TRPC3: variants seen among roughly 807,000 people sequenced by gnomAD.
TRPC3 encodes the protein short transient receptor potential channel 3.
In TRPC3, 54 loss-of-function variants were observed where a neutral mutation model predicts 90.9. The ratio of observed to expected loss-of-function variants is 0.59; its 90% CI spans 0.48 to 0.75. The LOEUF is 0.75. Among genes scored for constraint, TRPC3 ranks in the 30% least tolerant of loss-of-function variants. TRPC3 has a pLI of 0.00. For missense variants in TRPC3, 918 were observed against 1,194.5 expected (o/e 0.77, Z 3.41); for synonymous variants, 424 against 450.9 (o/e 0.94, Z 0.75).
chr4:121,885,569 G>A (rs1728088988), intron 10 of TRPC3, among the ~76,000 whole-genome samples: 1 of 152,110 alleles, frequency 6.6e-6, no homozygotes, highest in Admixed American at 6.6e-5. Context: ...TACATAGTAG[G>A]TGCTCAAATA....
chr4:121,940,569 T>C (rs1404673635), intron 1 of TRPC3, among the ~76,000 whole-genome samples: 2 of 152,216 alleles, frequency 1.3e-5, no homozygotes, highest in Non-Finnish European at 2.9e-5. Context: ...ATTCAAATCC[T>C]TCTTACCATC....
At position 121,875,553 on chromosome 4, in the gene TRPC3, G is replaced by A. The variant is rs935740593; in HGVS notation, c.*4183C>T. On this transcript the variant is annotated 3_prime_UTR_variant, in exon 12 of 12. Coordinates refer to ENST00000379645, the MANE Select transcript of TRPC3 (RefSeq NM_001130698.2). ...TGTTTTAGGGTATCAGAGACATCTT[G>A]GTGGTCTTTATAAAACTCAACAGAA... Among the ~76,000 whole-genome samples the A allele has an allele frequency of 2.0e-5, 3 of 151,996 alleles. No homozygotes were observed. The highest frequency in any genetic ancestry group is 7.3e-5 in the African/African-American group (3 of 41,360).
At chr4:121,900,243 T>A (rs143237776) in intron 9 of TRPC3, among the ~76,000 whole-genome samples, 2 of 152,344 alleles carry the variant, frequency 1.3e-5, no homozygotes, top group East Asian at 3.9e-4. Flanking sequence ...TCCTTTTCTT[T>A]TCTCTCTTTT....
chr4:121,922,672 A>C, intron 3 of TRPC3, among the ~76,000 whole-genome samples: 1 of 152,216 alleles, frequency 6.6e-6, no homozygotes, highest in East Asian at 1.9e-4. Context: ...AATGATAAAA[A>C]ACCAGTGACA....
intron 1 of TRPC3, chr4:121,950,436 A>C (rs373435953): frequency 2.4e-4 from 36 of 152,264 alleles, no homozygotes; most frequent in African/African-American, 8.4e-4. Context: ...CCACCATCCG[A>C]CCCCAAGTTC....
intron 1 of TRPC3, among the ~76,000 whole-genome samples, chr4:121,948,331 T>G (rs376176878): frequency 4.0e-5 from 6 of 151,674 alleles, no homozygotes; most frequent in Non-Finnish European, 5.9e-5. Context: ...CCATCATGGA[T>G]AGTGAGTTGC....
In TRPC3 at chr4:121,951,624, C is replaced by T. The variant is rs1730763845; in HGVS notation, c.57G>A (p.Pro19=). 7.0e-7 allele frequency: 1 copy of T among 1,432,522 alleles called. No homozygotes were observed. The highest frequency in any genetic ancestry group is 9.2e-7 in the Non-Finnish European group (1 of 1,084,952). The allele number at this position is 1,432,522 out of a possible 1,614,324, so 88.7% of individuals were successfully genotyped here. ...KEQARVTFPA[P]EEEEDEGEDE... ...CCTCGCCCTCGTCTTCCTCCTCCTC[C>T]GGCGCCGGGAAGGTCACCCTTGCTT... The change falls in exon 1 of 12, where the codon CCG becomes CCA. Residue 19 remains proline, a synonymous_variant. Coordinates refer to ENST00000379645, the MANE Select transcript of TRPC3 (RefSeq NM_001130698.2). This position sits in a 1 kb window ranked among gnomAD's most constrained non-coding sequence, Gnocchi z 4.4.
intron 6 of TRPC3, 47 bp downstream of exon 6, chr4:121,910,107 C>T (rs528967866): frequency 1.1e-5 from 17 of 1,522,708 alleles, no homozygotes; most frequent in Non-Finnish European, 1.4e-5. Flanking sequence ...AATGTGGTTC[C>T]AATACCTTTC....
chr4:121,928,523 C>T (rs1264300819), intron 2 of TRPC3, among the ~76,000 whole-genome samples: 4 of 152,182 alleles, frequency 2.6e-5, no homozygotes, highest in Admixed American at 2.0e-4. Flanking sequence ...ACCTTGAGGC[C>T]GCATTGACTG....
intron 4 of TRPC3, among the ~76,000 whole-genome samples, chr4:121,914,276 C>G (rs929374673): frequency 6.6e-6 from 1 of 152,246 alleles, no homozygotes; most frequent in African/African-American, 2.4e-5. Flanking sequence ...ACCTGACATG[C>G]ATTTTCTTGA....
intron 2 of TRPC3, among the ~76,000 whole-genome samples, chr4:121,927,944 A>T (rs948855076): frequency 2.0e-5 from 3 of 152,238 alleles, no homozygotes; most frequent in African/African-American, 7.2e-5. Flanking sequence ...CAGAAGAAGT[A>T]TTAAATCCAT....
At chr4:121,924,728 A>G (rs972640866) in intron 3 of TRPC3, among the ~76,000 whole-genome samples, 8 of 151,974 alleles carry the variant, frequency 5.3e-5, no homozygotes, top group African/African-American at 1.7e-4. Flanking sequence ...TTTAGTAGAG[A>G]CAGGGTCTCG....
chr4:121,895,434 C>T (rs1728486179), intron 10 of TRPC3, among the ~76,000 whole-genome samples: 2 of 151,768 alleles, frequency 1.3e-5, no homozygotes, highest in South Asian at 4.2e-4. Context: ...ATTGACAAAT[C>T]ATTAGCTAGA....
intron 1 of TRPC3, among the ~76,000 whole-genome samples, chr4:121,941,294 T>C (rs1252469843): frequency 1.3e-5 from 2 of 152,182 alleles, no homozygotes; most frequent in East Asian, 3.9e-4. Flanking sequence ...TCAACCCATG[T>C]AGCAAGCAAG....
intron 9 of TRPC3, among the ~76,000 whole-genome samples, chr4:121,900,114 C>A (rs1170790264): frequency 6.6e-6 from 1 of 152,114 alleles, no homozygotes; most frequent in Non-Finnish European, 1.5e-5. Context: ...CAGATGGCAC[C>A]ATTTGGTATT....
At chr4:121,925,399 C>G (rs1169525671) in intron 2 of TRPC3, among the ~76,000 whole-genome samples, 193 bp from the exon 3 acceptor site, 1 of 152,074 alleles carries the variant, frequency 6.6e-6, no homozygotes, top group Non-Finnish European at 1.5e-5. Context: ...TTTCCTTCTG[C>G]TGCAACCAGC....
At chr4:121,940,270 C>T (rs115971618) in intron 1 of TRPC3, among the ~76,000 whole-genome samples, 5,346 of 152,236 alleles carry the variant, frequency 0.035, 316 homozygotes, top group African/African-American at 0.12. Flanking sequence ...GACTTAATTG[C>T]CTAATTTATT....
chr4:121,905,274 T>C (rs1257467840), intron 7 of TRPC3, among the ~76,000 whole-genome samples: 1 of 152,064 alleles, frequency 6.6e-6, no homozygotes, highest in Non-Finnish European at 1.5e-5. Flanking sequence ...AGTAAGAGAC[T>C]GGGCCAAGGG....
intron 1 of TRPC3, among the ~76,000 whole-genome samples, chr4:121,946,383 C>A (rs1418059189): frequency 6.6e-6 from 1 of 152,050 alleles, no homozygotes; most frequent in African/African-American, 2.4e-5. Flanking sequence ...CAGTTAGACA[C>A]CGTAGAAGAT....
Sources: gnomAD v4.1 joint callset for allele counts (sites outside exome capture counted in the v4.1 genomes callset) on GRCh38, gnomAD v4.1.1 for gene constraint, Gnocchi (gnomAD v3.1) non-coding constraint, MANE v1.5 for transcripts, NCBI Gene and HGNC (gene_info 2026-07-23, HGNC 2026-07-21) for gene names.